The following SLMAP variants were observed in gnomAD, a reference collection of about 807,000 sequenced individuals.
SLMAP encodes the protein sarcolemma associated protein, also known as sarcolemmal membrane-associated protein.
In SLMAP, 44 loss-of-function variants were observed where a neutral mutation model predicts 128.8. The ratio of observed to expected loss-of-function variants is 0.34; its 90% CI spans 0.27 to 0.44. SLMAP has a LOEUF of 0.44. Ranked by LOEUF, SLMAP falls within the 20% of genes least tolerant of loss-of-function variation. The pLI, the probability that SLMAP is intolerant of heterozygous loss-of-function variation, is 1.00. For missense variants in SLMAP, 787 were observed against 985.3 expected (o/e 0.80, Z 2.69); for synonymous variants, 327 against 348.8 (o/e 0.94, Z 0.70).
chr3:57,914,523 A>C (rs2096768398), intron 21 of SLMAP, among the ~76,000 whole-genome samples: 1 of 152,166 alleles, frequency 6.6e-6, no homozygotes, highest in African/African-American at 2.4e-5. Flanking sequence ...TATGTATATG[A>C]TATATATCAT....
intron 24 of SLMAP, 39 bp downstream of exon 24, chr3:57,925,973 C>T (rs557388449): frequency 2.4e-5 from 34 of 1,432,658 alleles, no homozygotes; most frequent in African/African-American, 2.3e-4. Context: ...TGTTTGTCCC[C>T]GTCACCTTTT....
Position 57,756,784 on chromosome 3 carries a change from C to G in SLMAP, c.-868C>G, listed in dbSNP as rs1246064081. On this transcript the variant is annotated 5_prime_UTR_variant, in exon 2 of 25. Transcript: ENST00000671191. Reference sequence around the variant, plus strand: ...ATGTGCTGAGCGGCGGCCCAGAAGCCTAGGCGTCCGGGGACCAACTTCCTG... The same window carrying G: ...ATGTGCTGAGCGGCGGCCCAGAAGCGTAGGCGTCCGGGGACCAACTTCCTG... The G allele has an allele frequency of 6.6e-6, 1 of 152,306 alleles. No individual in the cohort carries two copies. The highest frequency in any genetic ancestry group is 1.5e-5 in the Non-Finnish European group (1 of 68,126). The allele number at this position is 152,306 out of a possible 1,614,324, so 9.4% of individuals were successfully genotyped here. A position where few individuals can be genotyped will look rare whatever the true frequency, so the allele number is the denominator to read the frequency against.
At chr3:57,909,459 A>G (rs1307043649) in intron 19 of SLMAP, among the ~76,000 whole-genome samples, 2 of 149,492 alleles carry the variant, frequency 1.3e-5, no homozygotes, top group African/African-American at 2.5e-5. Flanking sequence ...CTGGGATTGC[A>G]CCACTGCACT....
At chr3:57,891,111 A>G (rs1024303811) in intron 15 of SLMAP, 2 of 152,002 alleles carry the variant, frequency 1.3e-5, no homozygotes, top group Admixed American at 1.3e-4. Context: ...TTAAAGTGAG[A>G]TGAGAACAGA....
chr3:57,792,575 A>G (rs191820053), intron 2 of SLMAP, among the ~76,000 whole-genome samples: 15 of 152,090 alleles, frequency 9.9e-5, no homozygotes, highest in African/African-American at 2.7e-4. Flanking sequence ...ATCTTCATCT[A>G]TAGGGGATTT....
intron 17 of SLMAP, among the ~76,000 whole-genome samples, chr3:57,906,783 C>T (rs2096580695): frequency 6.7e-6 from 1 of 150,356 alleles, no homozygotes; most frequent in African/African-American, 2.4e-5. Context: ...TGCTGAGGTA[C>T]TTATAAACCA....
At chr3:57,778,152 C>G (rs2082288927) in intron 2 of SLMAP, among the ~76,000 whole-genome samples, 1 of 152,168 alleles carries the variant, frequency 6.6e-6, no homozygotes, top group African/African-American at 2.4e-5. Flanking sequence ...ACTATAAGTT[C>G]AATTTCTTTA....
At chr3:57,869,949 T>C (rs774509332) in intron 13 of SLMAP, among the ~76,000 whole-genome samples, 1 of 151,656 alleles carries the variant, frequency 6.6e-6, no homozygotes, top group Non-Finnish European at 1.5e-5. Flanking sequence ...ATAAATAAAA[T>C]GTATTTTAAG....
At chr3:57,853,210 C>T (rs887219369) in intron 6 of SLMAP, among the ~76,000 whole-genome samples, 4 of 152,166 alleles carry the variant, frequency 2.6e-5, no homozygotes, top group African/African-American at 9.7e-5. Context: ...GGAACTTAAA[C>T]TTGGCAAATA....
chr3:57,778,155 T>C (rs554304380), intron 2 of SLMAP, among the ~76,000 whole-genome samples: 168 of 152,342 alleles, frequency 1.1e-3, no homozygotes, highest in African/African-American at 3.3e-3. Context: ...ATAAGTTCAA[T>C]TTCTTTAATA....
At chr3:57,769,047 A>C (rs2080289750) in intron 2 of SLMAP, among the ~76,000 whole-genome samples, 1 of 152,174 alleles carries the variant, frequency 6.6e-6, no homozygotes, top group African/African-American at 2.4e-5. Flanking sequence ...CTAACATAGG[A>C]TATGACTGCC....
chr3:57,760,718 C>CT (rs976626861), intron 2 of SLMAP, among the ~76,000 whole-genome samples: 1 of 149,972 alleles, frequency 6.7e-6, no homozygotes, highest in Non-Finnish European at 1.5e-5. Context: ...GACCCTGTCT[C>CT]TTAAAAAAAA....
At position 57,831,573 on chromosome 3, in the gene SLMAP, G is replaced by T. The variant is rs375065826; in HGVS notation, c.346+43G>T. The T allele has an allele frequency of 1.1e-5, 15 of 1,339,806 alleles. No homozygotes were observed. In the African/African-American group the frequency reaches 1.7e-4, roughly 15 times the overall value. 83.0% of individuals were successfully genotyped at this position (1,339,806 alleles called of 1,614,324 possible). ...TTTTTTTATTACTTGTCTTTTAAAG[G>T]TTATTTAATTTTTTATTATCTTACT... On this transcript the variant is annotated intron_variant, in intron 3 of 24. Coordinates refer to ENST00000671191, the MANE Select transcript of SLMAP (RefSeq NM_001377540.1).
At chr3:57,797,500 G>C (rs1197242523) in intron 2 of SLMAP, among the ~76,000 whole-genome samples, 1 of 150,392 alleles carries the variant, frequency 6.6e-6, no homozygotes, top group Admixed American at 6.6e-5. Context: ...AAAAAAAAAA[G>C]TACGAGGCAG....
intron 6 of SLMAP, among the ~76,000 whole-genome samples, 158 bp from the exon 7 acceptor site, chr3:57,857,575 T>C (rs1413248913): frequency 6.6e-6 from 1 of 152,246 alleles, no homozygotes; most frequent in Non-Finnish European, 1.5e-5. Context: ...AAGCGGGGAC[T>C]GCTGTATGTT....
intron 2 of SLMAP, among the ~76,000 whole-genome samples, chr3:57,760,720 TAAA>T (rs879442621): frequency 6.9e-6 from 1 of 144,032 alleles, no homozygotes. Flanking sequence ...CCCTGTCTCT[TAAA>T]AAAAAAAAAA....
At chr3:57,763,971 TATTCTGTGTG>T (rs1342530929) in intron 2 of SLMAP, among the ~76,000 whole-genome samples, 1 of 152,334 alleles carries the variant, frequency 6.6e-6, no homozygotes, top group African/African-American at 2.4e-5. Flanking sequence ...GGTGCACATC[TATTCTGTGTG>T]ATGTTCTTGT....
intron 24 of SLMAP, 75 bp from the exon 25 acceptor site, chr3:57,927,221 C>A: frequency 1.2e-6 from 1 of 864,358 alleles, no homozygotes; most frequent in South Asian, 1.6e-5. Flanking sequence ...TCAGGACTCT[C>A]TGGAACCAAG....
intron 2 of SLMAP, among the ~76,000 whole-genome samples, chr3:57,792,763 G>A (rs2085778459): frequency 6.6e-6 from 1 of 152,054 alleles, no homozygotes; most frequent in African/African-American, 2.4e-5. Context: ...GACAACACAA[G>A]CAAGTTATGT....
Sources: gnomAD v4.1 joint callset for allele counts (sites outside exome capture counted in the v4.1 genomes callset) on GRCh38, gnomAD v4.1.1 for gene constraint, MANE v1.5 for transcripts, NCBI Gene and HGNC (gene_info 2026-07-23, HGNC 2026-07-21) for gene names.